MOB3B: variants seen among roughly 807,000 people sequenced by gnomAD.
The protein encoded by MOB3B is MOB kinase activator-like 2B.
Under a neutral mutation model 18.7 loss-of-function variants are expected in MOB3B, and 7 were observed. The ratio of observed to expected loss-of-function variants is 0.37; its 90% CI spans 0.21 to 0.70. The LOEUF (loss-of-function observed/expected upper bound fraction) is 0.70. Ranked by LOEUF, MOB3B falls within the 30% of genes least tolerant of loss-of-function variation. MOB3B has a pLI of 0.52. For synonymous variants in MOB3B, 111 were observed against 99.9 expected (o/e 1.11, Z -0.66); for missense variants, 253 against 281.3 (o/e 0.90, Z 0.72).
At chr9:27,391,440 C>G (rs1249639791) in intron 2 of MOB3B, among the ~76,000 whole-genome samples, 1 of 152,158 alleles carries the variant, frequency 6.6e-6, no homozygotes, top group Non-Finnish European at 1.5e-5. Flanking sequence ...TGATTCACCT[C>G]TCTTGGGTCA....
At chr9:27,508,685 A>G (rs929008225) in intron 1 of MOB3B, among the ~76,000 whole-genome samples, 10 of 152,226 alleles carry the variant, frequency 6.6e-5, no homozygotes, top group African/African-American at 2.4e-4. Flanking sequence ...AATCAAAGGG[A>G]GTCTCAGACA....
At chr9:27,337,685 G>C (rs147942161) in intron 3 of MOB3B, among the ~76,000 whole-genome samples, 2 of 152,182 alleles carry the variant, frequency 1.3e-5, no homozygotes, top group African/African-American at 4.8e-5. Flanking sequence ...CAGCTATACC[G>C]TGTGGGCCCA....
chr9:27,339,910 A>G (rs1820916030), intron 3 of MOB3B, among the ~76,000 whole-genome samples: 1 of 152,218 alleles, frequency 6.6e-6, no homozygotes, highest in Admixed American at 6.5e-5. Context: ...CTAGCATCCC[A>G]AAGTCTGAAT....
At chr9:27,512,039 G>A (rs1820154837) in intron 1 of MOB3B, among the ~76,000 whole-genome samples, 1 of 152,092 alleles carries the variant, frequency 6.6e-6, no homozygotes, top group African/African-American at 2.4e-5. Flanking sequence ...ACCTTCCCAT[G>A]CACACTCCTC....
At chr9:27,382,611 G>C (rs1587170246) in intron 2 of MOB3B, among the ~76,000 whole-genome samples, 1 of 152,052 alleles carries the variant, frequency 6.6e-6, no homozygotes. Flanking sequence ...GAAAAGACCA[G>C]ACCAAGAATT....
intron 2 of MOB3B, among the ~76,000 whole-genome samples, chr9:27,386,334 T>A (rs1243507116): frequency 6.6e-6 from 1 of 152,234 alleles, no homozygotes; most frequent in Non-Finnish European, 1.5e-5. Context: ...ATCATTATTA[T>A]TGACACATGG....
intron 1 of MOB3B, among the ~76,000 whole-genome samples, chr9:27,523,429 C>G (rs1157323359): frequency 7.0e-6 from 1 of 143,208 alleles, no homozygotes; most frequent in African/African-American, 2.6e-5. Flanking sequence ...ATCAAGCAAT[C>G]AAGCAAAAGT....
At chr9:27,475,414 C>A (rs573211731) in intron 1 of MOB3B, among the ~76,000 whole-genome samples, 2 of 152,348 alleles carry the variant, frequency 1.3e-5, no homozygotes, top group African/African-American at 4.8e-5. Flanking sequence ...GGAGGGGATT[C>A]TGTTATGAAG....
intron 3 of MOB3B, among the ~76,000 whole-genome samples, chr9:27,354,793 A>G (rs1003669742): frequency 3.3e-5 from 5 of 152,178 alleles, no homozygotes; most frequent in African/African-American, 1.2e-4. Context: ...TACAAATACA[A>G]TTAACTACAT....
At chr9:27,411,892 T>A (rs757810514) in intron 2 of MOB3B, among the ~76,000 whole-genome samples, 1 of 152,194 alleles carries the variant, frequency 6.6e-6, no homozygotes, top group Non-Finnish European at 1.5e-5. Context: ...GCTGCACTAA[T>A]GCAAGGTTCT....
rs1357449527 is a variant in MOB3B, at chr9:27,327,371, A to G, written c.*3216T>C. ...ATCAGAAAAGAGACAAGTAGACATTATGTGCTTCCTGAGGTGAGGCAGTAG... is the reference window on the plus strand; with the variant it reads ...ATCAGAAAAGAGACAAGTAGACATTGTGTGCTTCCTGAGGTGAGGCAGTAG... On this transcript the variant is annotated 3_prime_UTR_variant, in exon 4 of 4. Coordinates refer to ENST00000262244, the MANE Select transcript of MOB3B (RefSeq NM_024761.5). 6.6e-6 allele frequency: 1 copy of G among 152,242 alleles called. No individual in the cohort carries two copies. The highest frequency in any genetic ancestry group is 2.4e-5 in the African/African-American group (1 of 41,472). The allele number at this position is 152,242 out of a possible 1,614,324, so 9.4% of individuals were successfully genotyped here. A position where few individuals can be genotyped will look rare whatever the true frequency, so the allele number is the denominator to read the frequency against.
At chr9:27,499,124 T>G (rs1819948250) in intron 1 of MOB3B, among the ~76,000 whole-genome samples, 1 of 152,240 alleles carries the variant, frequency 6.6e-6, no homozygotes, top group African/African-American at 2.4e-5. Flanking sequence ...TGGGTCTATT[T>G]TCCTCCTTTA....
At chr9:27,354,785 C>T (rs962294097) in intron 3 of MOB3B, among the ~76,000 whole-genome samples, 2 of 152,130 alleles carry the variant, frequency 1.3e-5, no homozygotes, top group African/African-American at 2.4e-5. Flanking sequence ...GTGACTGATA[C>T]AAATACAATT....
chr9:27,509,644 T>C (rs932010323), intron 1 of MOB3B, among the ~76,000 whole-genome samples: 2 of 152,144 alleles, frequency 1.3e-5, no homozygotes, highest in Non-Finnish European at 2.9e-5. Context: ...CTCGAACTCC[T>C]GACCTCAAGT....
At chr9:27,481,740 T>A (rs1819660051) in intron 1 of MOB3B, among the ~76,000 whole-genome samples, 2 of 152,010 alleles carry the variant, frequency 1.3e-5, no homozygotes, top group South Asian at 4.1e-4. Flanking sequence ...TTAGCCAGGA[T>A]GGTCTCGATC....
chr9:27,507,739 C>T (rs1820081160), intron 1 of MOB3B, among the ~76,000 whole-genome samples: 2 of 152,192 alleles, frequency 1.3e-5, no homozygotes. Context: ...TATATCTCAA[C>T]ATGCAGCAAA....
intron 2 of MOB3B, among the ~76,000 whole-genome samples, chr9:27,453,111 C>T (rs1822814616): frequency 6.6e-6 from 1 of 151,968 alleles, no homozygotes; most frequent in Non-Finnish European, 1.5e-5. Context: ...AAAAGTTTGA[C>T]AACTGTAATA....
At chr9:27,470,985 A>G (rs1001564125) in intron 1 of MOB3B, among the ~76,000 whole-genome samples, 12 of 152,172 alleles carry the variant, frequency 7.9e-5, no homozygotes, top group South Asian at 4.2e-4. Context: ...CTGCTGAAGG[A>G]AAAAATACAA....
chr9:27,453,958 G>A (rs1406324276), intron 2 of MOB3B, among the ~76,000 whole-genome samples: 1 of 152,070 alleles, frequency 6.6e-6, no homozygotes, highest in African/African-American at 2.4e-5. Context: ...TGAACTGGGG[G>A]ATTTGCCCTG....
Sources: allele counts gnomAD v4.1 joint callset (sites outside exome capture counted in the v4.1 genomes callset), GRCh38; gene constraint gnomAD v4.1.1; transcripts MANE v1.5; gene names NCBI Gene and HGNC (gene_info 2026-07-23, HGNC 2026-07-21).